Variants in AQP4 observed in about 807,000 individuals in gnomAD.
AQP4 encodes aquaporin 4, also known as aquaporin-4.
In AQP4, 18 loss-of-function variants were observed where a neutral mutation model predicts 27.8. That is an observed-to-expected ratio of 0.65 (90% CI 0.45 to 0.96). The LOEUF is 0.96. Among genes scored for constraint, AQP4 ranks in the 40% least tolerant of loss-of-function variants. The pLI is 0.00. For missense variants in AQP4, 412 were observed against 408.2 expected, an observed-to-expected ratio of 1.01 and a Z score of -0.08; for synonymous variants, 141 against 142.9, an observed-to-expected ratio of 0.99 and a Z score of 0.10.
chr18:26,865,393 C>A, intron 1 of AQP4: 1 of 577,888 alleles, frequency 1.7e-6, no homozygotes, highest in East Asian at 3.0e-5. Flanking sequence ...TGTACTATAG[C>A]TAGATTCACC....
chr18:26,865,219 A>G (rs1292809773), intron 1 of AQP4: 3 of 297,000 alleles, frequency 1.0e-5, no homozygotes, highest in African/African-American at 2.2e-5. Flanking sequence ...TTATATGTTC[A>G]CAGTCACTGG....
chr18:26,862,287 C>T lies in AQP4; in HGVS notation c.342G>A (p.Lys114=), dbSNP rs773634880. The T allele has an allele frequency of 6.2e-7, 1 of 1,614,196 alleles. No individual in the cohort carries two copies. Among genetic ancestry groups the T allele is most frequent in the Non-Finnish European group, 8.5e-7 (1 of 1,180,046 alleles). ...MVCTRKISIA[K]SVFYIAAQCL... ...ACTGGGCTGCGATGTAGAAGACAGACTTGGCGATGCTGATCTTCCTGGTGC... is the reference window on the plus strand; with the variant it reads ...ACTGGGCTGCGATGTAGAAGACAGATTTGGCGATGCTGATCTTCCTGGTGC... Residue 114 remains lysine, a synonymous_variant, in exon 2 of 5, where the codon AAG becomes AAA. Coordinates refer to ENST00000383168, the MANE Select transcript of AQP4 (RefSeq NM_001650.7).
rs564054733 is a variant in AQP4, at chr18:26,853,102, T to G, written c.*3109A>C. 3 of 390,568 alleles carry G rather than the reference T, an allele frequency of 7.7e-6. No homozygotes were observed. In the Admixed American group the frequency reaches 1.3e-4, roughly 17 times the overall value. The allele number at this position is 390,568 out of a possible 1,614,324, so 24.2% of individuals were successfully genotyped here. A position where few individuals can be genotyped will look rare whatever the true frequency, so the allele number is the denominator to read the frequency against. ...TCTCTGATAAATCATATAGCTCAAT[T>G]TCATCACATATGTTTTCCAAAGATT... On this transcript the variant is annotated 3_prime_UTR_variant, in exon 5 of 5. Coordinates refer to ENST00000383168, the MANE Select transcript of AQP4 (RefSeq NM_001650.7).
chr18:26,855,939 G>T lies in AQP4; in HGVS notation c.*272C>A, dbSNP rs1326467378. 3 of 422,714 alleles carry T rather than the reference G, an allele frequency of 7.1e-6. 1 individual carries two copies. The highest frequency in any genetic ancestry group is 4.3e-6 in the Non-Finnish European group (1 of 230,724). The allele number at this position is 422,714 out of a possible 1,614,324, so 26.2% of individuals were successfully genotyped here. On this transcript the variant is annotated 3_prime_UTR_variant, in exon 5 of 5. Coordinates refer to ENST00000383168, the MANE Select transcript of AQP4 (RefSeq NM_001650.7). The stretch of plus-strand genomic sequence containing the variant: ...AAATCTTGACACACGGTTAAAATTG[G>T]TTGTTAATGAAAGGTAACTAGATAA...
Position 26,852,458 on chromosome 18 carries a change from C to T in AQP4, c.*3753G>A. ...TAAACATGAGTGAGTCACACTGTAACTGCTCTTAAATTTAGTGTTCATTGC... is the reference window on the plus strand; with the variant it reads ...TAAACATGAGTGAGTCACACTGTAATTGCTCTTAAATTTAGTGTTCATTGC... On this transcript the variant is annotated 3_prime_UTR_variant, in exon 5 of 5. Coordinates refer to ENST00000383168, the MANE Select transcript of AQP4 (RefSeq NM_001650.7). The T allele has an allele frequency of 5.7e-6, 1 of 175,754 alleles. No homozygotes were observed. Among genetic ancestry groups the T allele is most frequent in the African/African-American group, 2.3e-5 (1 of 42,692 alleles). 10.9% of individuals were successfully genotyped at this position (175,754 alleles called of 1,614,324 possible). A position where few individuals can be genotyped will look rare whatever the true frequency, so the allele number is the denominator to read the frequency against.
intron 4 of AQP4, among the ~76,000 whole-genome samples, chr18:26,859,491 A>T (rs767714269): frequency 1.3e-5 from 2 of 152,248 alleles, no homozygotes; most frequent in Non-Finnish European, 2.9e-5. Flanking sequence ...ACTGCACTCC[A>T]GCCTGGGCAA....
chr18:26,862,720 C>G (rs1568070227), intron 1 of AQP4, 124 bp from the exon 2 acceptor site: 5 of 1,276,202 alleles, frequency 3.9e-6, no homozygotes, highest in Non-Finnish European at 5.6e-6. Flanking sequence ...GATTTGCACA[C>G]CAAGAAAGAA....
chr18:26,862,679 T>G (rs2054976266), intron 1 of AQP4, 83 bp from the exon 2 acceptor site: 8 of 1,592,014 alleles, frequency 5.0e-6, no homozygotes, highest in Non-Finnish European at 6.9e-6. Flanking sequence ...CCTGCCATCT[T>G]CGGGTACTGT....
intron 1 of AQP4, 109 bp downstream of exon 1, chr18:26,865,549 A>G (rs2055044382): frequency 1.4e-6 from 2 of 1,430,670 alleles, no homozygotes; most frequent in East Asian, 2.3e-5. Context: ...CACCTGCCCT[A>G]TAGCTGCCTT....
Position 26,852,967 on chromosome 18 carries a change from A to AATT in AQP4, c.*3241_*3243dup, listed in dbSNP as rs2054776881. The AATT allele has an allele frequency of 2.5e-6, 1 of 398,258 alleles. No homozygotes were observed. 24.7% of individuals were successfully genotyped at this position (398,258 alleles called of 1,614,324 possible). On this transcript the variant is annotated 3_prime_UTR_variant, in exon 5 of 5. Transcript: ENST00000383168. The stretch of plus-strand genomic sequence containing the variant: ...CTTCTAGGATTCATCTTACCATTTG[A>AATT]ATTTACTGCTCTAGTTTGGAATTTT...
chr18:26,860,929 G>T, intron 3 of AQP4, 77 bp from the exon 4 acceptor site: 1 of 1,474,080 alleles, frequency 6.8e-7, no homozygotes, highest in Non-Finnish European at 9.5e-7. Context: ...GCAATTTGCT[G>T]TCATTTGTCA....
In AQP4 at chr18:26,858,752, C is replaced by G. The variant is rs147292239; in HGVS notation, c.693+2020G>C. Among the ~76,000 whole-genome samples the G allele has an allele frequency of 1.6e-3, 239 of 152,274 alleles. 1 individual carries two copies. Among genetic ancestry groups the G allele is most frequent in the African/African-American group, 5.5e-3 (230 of 41,554 alleles). On this transcript the variant is annotated intron_variant, in intron 4 of 4. Transcript: ENST00000383168. ...AAACATCTGTGAATAAGATACCCAG[C>G]TGCATGTTCTCAAAAATAAACAAAT...
chr18:26,860,698 A>G, intron 4 of AQP4, 74 bp downstream of exon 4: 6 of 1,336,906 alleles, frequency 4.5e-6, no homozygotes, highest in South Asian at 1.2e-5. Context: ...AGGCAAAATA[A>G]TGAAAAATAA....
intron 1 of AQP4, among the ~76,000 whole-genome samples, chr18:26,864,549 T>C (rs943528145): frequency 6.6e-6 from 1 of 152,050 alleles, no homozygotes; most frequent in African/African-American, 2.4e-5. Flanking sequence ...ATGGTTGCAA[T>C]GGGGCAGGGA....
intron 4 of AQP4, 41 bp downstream of exon 4, chr18:26,860,731 C>T (rs763905848): frequency 1.3e-6 from 2 of 1,544,352 alleles, no homozygotes; most frequent in Non-Finnish European, 1.8e-6. Flanking sequence ...GGTAATTGTC[C>T]TCAACTGTAG....
chr18:26,859,906 A>G (rs2054909789), intron 4 of AQP4, among the ~76,000 whole-genome samples: 1 of 152,194 alleles, frequency 6.6e-6, no homozygotes, highest in Non-Finnish European at 1.5e-5. Context: ...AAATTATAAT[A>G]AAAGCTAGCG....
chr18:26,858,825 G>A (rs1228651518), intron 4 of AQP4, among the ~76,000 whole-genome samples: 1 of 152,122 alleles, frequency 6.6e-6, no homozygotes, highest in Non-Finnish European at 1.5e-5. Flanking sequence ...GTACTTTAAA[G>A]TAAAGAATCT....
Position 26,857,011 on chromosome 18 carries a change from T to A in AQP4, c.694-522A>T, listed in dbSNP as rs74758514. On this transcript the variant is annotated intron_variant, in intron 4 of 4. Coordinates refer to ENST00000383168, the MANE Select transcript of AQP4 (RefSeq NM_001650.7). ...GCAGAGTTATGAGTGCTTGTATCAG[T>A]TACGTAACTTTCCAAGTCTTAATTT... 6.3e-3 allele frequency among the ~76,000 whole-genome samples: 966 copies of A among 152,246 alleles called. 14 individuals are homozygous for A. The highest frequency in any genetic ancestry group is 0.023 in the African/African-American group (939 of 41,544).
chr18:26,865,627 C>G lies in AQP4; in HGVS notation c.32+31G>C, dbSNP rs200897481. 1.2e-5 allele frequency: 19 copies of G among 1,613,830 alleles called. No individual in the cohort carries two copies. In the African/African-American group the frequency reaches 2.0e-4, roughly 17 times the overall value. On this transcript the variant is annotated intron_variant, in intron 1 of 4. Transcript: ENST00000383168. The stretch of plus-strand genomic sequence containing the variant: ...GACAGTTTCATCTTTTGGCCCTAAG[C>G]GTTGTTCCCTTAAGGCAAAGAAGGA...
Sources: allele counts gnomAD v4.1 joint callset (sites outside exome capture counted in the v4.1 genomes callset), GRCh38; gene constraint gnomAD v4.1.1; transcripts MANE v1.5; gene names NCBI Gene and HGNC (gene_info 2026-07-23, HGNC 2026-07-21).